The following DIPK1C variants were observed in gnomAD, a reference collection of about 807,000 sequenced individuals.
The protein encoded by DIPK1C is familial non-conventional Alzheimer's dementia.
A neutral mutation model predicts 28.0 loss-of-function variants in DIPK1C; 33 were observed. The ratio of observed to expected loss-of-function variants is 1.18; its 90% CI spans 0.89 to 1.58. DIPK1C has a LOEUF of 1.58. DIPK1C is among the 40% of genes most tolerant of loss of function. The pLI, the probability that DIPK1C is intolerant of heterozygous loss-of-function variation, is 0.00. For missense variants in DIPK1C, 569 were observed against 568.5 expected, an observed-to-expected ratio of 1.00 and a Z score of -0.01; for synonymous variants, 255 against 248.8, an observed-to-expected ratio of 1.02 and a Z score of -0.23.
chr18:74,450,511 A>T (rs1309786406), intron 1 of DIPK1C, among the ~76,000 whole-genome samples: 3 of 152,050 alleles, frequency 2.0e-5, no homozygotes, highest in Admixed American at 6.5e-5. Context: ...TCAGGAGAAA[A>T]ATGTCAGAGA....
In DIPK1C at chr18:74,445,666, G is replaced by A. The variant is rs566977246; in HGVS notation, c.876+940C>T. On this transcript the variant is annotated intron_variant, in intron 2 of 3. Coordinates refer to ENST00000343998, the MANE Select transcript of DIPK1C (RefSeq NM_001044369.3). Reference sequence around the variant, plus strand: ...CATGAGCCAGGCTCCACAGTGACCAGCATGCCCAGGTGACGAGCTAAGCTG... The same window carrying A: ...CATGAGCCAGGCTCCACAGTGACCAACATGCCCAGGTGACGAGCTAAGCTG... Among the ~76,000 whole-genome samples, 59 of 151,976 alleles carry A rather than the reference G, an allele frequency of 3.9e-4. 1 individual carries two copies. The South Asian group carries it at 0.012, about 31-fold the overall frequency.
chr18:74,438,526 T>C (rs1191755442), intron 3 of DIPK1C, among the ~76,000 whole-genome samples: 1 of 152,198 alleles, frequency 6.6e-6, no homozygotes, highest in African/African-American at 2.4e-5. Flanking sequence ...TCCCTTAGCC[T>C]CTCCAACGCA....
At chr18:74,451,037 T>C (rs1306570014) in intron 1 of DIPK1C, among the ~76,000 whole-genome samples, 1 of 152,074 alleles carries the variant, frequency 6.6e-6, no homozygotes, top group Admixed American at 6.5e-5. Flanking sequence ...TAGCTCCCTC[T>C]CCAGCCCTGG....
In DIPK1C at chr18:74,442,069, C is replaced by T. The variant is rs778007494; in HGVS notation, c.924G>A (p.Arg308=). 1.2e-6 allele frequency: 2 copies of T among 1,613,966 alleles called. No individual in the cohort carries two copies. Among genetic ancestry groups the T allele is most frequent in the African/African-American group, 1.3e-5 (1 of 74,888 alleles). The stretch of plus-strand genomic sequence containing the variant: ...CTGTGCAGTTTTGCTCAAGGATTTC[C>T]CTCATTTTAGGTTCAAAAAAGGCCA... The part of the protein sequence containing the change: ...VDMAFFEPKM[R]EILEQNCTGD... The change falls in exon 3 of 4, where the codon AGG becomes AGA. Residue 308 remains arginine, a synonymous_variant. Coordinates refer to ENST00000343998, the MANE Select transcript of DIPK1C (RefSeq NM_001044369.3).
chr18:74,446,566 C>G, intron 2 of DIPK1C, 40 bp downstream of exon 2: 2 of 1,398,034 alleles, frequency 1.4e-6, no homozygotes, highest in Non-Finnish European at 1.9e-6. Context: ...CCCGAGAGCT[C>G]CGTTCTCTGC....
intron 3 of DIPK1C, among the ~76,000 whole-genome samples, chr18:74,438,115 C>T (rs1415526408): frequency 6.6e-6 from 1 of 152,196 alleles, no homozygotes; most frequent in Non-Finnish European, 1.5e-5. Flanking sequence ...TGTTCTTGAA[C>T]TCCAGGGCTC....
chr18:74,452,345 A>C (rs1413756607), intron 1 of DIPK1C, among the ~76,000 whole-genome samples: 1 of 152,184 alleles, frequency 6.6e-6, no homozygotes, highest in Non-Finnish European at 1.5e-5. Flanking sequence ...GTAAGTCTGC[A>C]GCATTGTTCT....
At chr18:74,454,067 T>C (rs1986453486) in intron 1 of DIPK1C, among the ~76,000 whole-genome samples, 2 of 152,286 alleles carry the variant, frequency 1.3e-5, no homozygotes, top group East Asian at 3.9e-4. Flanking sequence ...CCCAGCTGGC[T>C]GGGCCTGCTG....
chr18:74,442,160 G>A (rs768607446), intron 2 of DIPK1C, 44 bp from the exon 3 acceptor site: 3 of 1,607,684 alleles, frequency 1.9e-6, no homozygotes, highest in South Asian at 2.2e-5. Flanking sequence ...CTACTGGTGG[G>A]CTCTGCAGAG....
chr18:74,460,399 T>C (rs577153109), upstream of DIPK1C, among the ~76,000 whole-genome samples: 3 of 152,362 alleles, frequency 2.0e-5, no homozygotes, highest in South Asian at 2.1e-4. Flanking sequence ...ATATCCTTAA[T>C]GCAATGTACA....
At chr18:74,444,214 C>T (rs1015358057) in intron 2 of DIPK1C, among the ~76,000 whole-genome samples, 1 of 152,118 alleles carries the variant, frequency 6.6e-6, no homozygotes, top group African/African-American at 2.4e-5. Flanking sequence ...AAACTGTGGC[C>T]CTGGAGTAGG....
chr18:74,442,440 T>C (rs1459013402), intron 2 of DIPK1C, among the ~76,000 whole-genome samples: 5 of 152,210 alleles, frequency 3.3e-5, no homozygotes, highest in African/African-American at 9.6e-5. Context: ...GCCATTCTCC[T>C]TCCTCAGCCT....
intron 3 of DIPK1C, among the ~76,000 whole-genome samples, chr18:74,440,648 C>T (rs1408887230): frequency 6.6e-6 from 1 of 152,216 alleles, no homozygotes; most frequent in Non-Finnish European, 1.5e-5. Flanking sequence ...TGCCAATTTT[C>T]TGTGTGTTCC....
intron 1 of DIPK1C, among the ~76,000 whole-genome samples, chr18:74,451,188 C>T (rs1385885092): frequency 2.6e-5 from 4 of 152,198 alleles, no homozygotes; most frequent in African/African-American, 4.8e-5. Context: ...TGCAAAGGCC[C>T]CGAGTTTCAA....
intron 3 of DIPK1C, among the ~76,000 whole-genome samples, chr18:74,439,358 T>G (rs976776229): frequency 6.6e-6 from 1 of 152,220 alleles, no homozygotes; most frequent in Non-Finnish European, 1.5e-5. Flanking sequence ...CCAGCACCGT[T>G]CACTATGCAA....
intron 1 of DIPK1C, among the ~76,000 whole-genome samples, chr18:74,456,801 G>A (rs1986524104): frequency 6.6e-6 from 1 of 152,224 alleles, no homozygotes. Context: ...AGGGTAGGAC[G>A]GAGAGGCTGT....
chr18:74,444,507 G>A (rs570470267), intron 2 of DIPK1C, among the ~76,000 whole-genome samples: 6 of 152,324 alleles, frequency 3.9e-5, no homozygotes, highest in East Asian at 1.9e-4. Context: ...TATGAGAATC[G>A]ACTAGAAGCC....
intron 1 of DIPK1C, among the ~76,000 whole-genome samples, chr18:74,455,464 T>G (rs903030551): frequency 4.6e-5 from 7 of 152,032 alleles, no homozygotes; most frequent in African/African-American, 1.7e-4. Context: ...TATGGGTTAC[T>G]AAGAAAAATC....
intron 1 of DIPK1C, among the ~76,000 whole-genome samples, chr18:74,453,843 G>A (rs796339095): frequency 4.6e-5 from 7 of 152,252 alleles, no homozygotes; most frequent in Admixed American, 2.0e-4. Flanking sequence ...GCTCAGTTTT[G>A]CCATCTGTAA....
Sources: allele counts gnomAD v4.1 joint callset (sites outside exome capture counted in the v4.1 genomes callset), GRCh38; gene constraint gnomAD v4.1.1; transcripts MANE v1.5; gene names NCBI Gene and HGNC (gene_info 2026-07-23, HGNC 2026-07-21).